Variants in RUFY3 observed in about 807,000 individuals in gnomAD.
The protein encoded by RUFY3 is protein RUFY3.
RUFY3 carries 34 observed loss-of-function variants against 84.0 expected under a neutral mutation model. The observed-to-expected ratio is 0.40, with a 90% CI of 0.31 to 0.54. The LOEUF is 0.54. RUFY3 is among the 20% of genes least tolerant of loss of function. The pLI, the probability that RUFY3 is intolerant of heterozygous loss-of-function variation, is 0.39. For synonymous variants in RUFY3, 242 were observed against 252.9 expected, an observed-to-expected ratio of 0.96 and a Z score of 0.41; for missense variants, 507 against 736.8, an observed-to-expected ratio of 0.69 and a Z score of 3.61.
chr4:70,769,403 T>C lies in RUFY3; in HGVS notation c.696+742T>C, dbSNP rs532440966. 1.4e-4 allele frequency among the ~76,000 whole-genome samples: 21 copies of C among 152,308 alleles called. No individual in the cohort carries two copies. In the South Asian group the frequency reaches 4.4e-3, roughly 32 times the overall value. On this transcript the variant is annotated intron_variant, in intron 5 of 17. Transcript: ENST00000381006. Reference sequence around the variant, plus strand: ...TATTAAGTATGTGATAGTGTAAGTGTAAAAAATAATGTACATACCTTAACT... The same window carrying C: ...TATTAAGTATGTGATAGTGTAAGTGCAAAAAATAATGTACATACCTTAACT...
chr4:70,793,769 T>G lies in RUFY3; in HGVS notation c.1338-16T>G. On this transcript the variant is annotated splice_polypyrimidine_tract_variant and intron_variant, in intron 12 of 17. Transcript: ENST00000381006. ...GCTTTTGTTTTTTATCACAAGTTCA[T>G]GTGGCTCACATCCAGATTGCGCCAG... 1 of 1,613,934 alleles carries G rather than the reference T, an allele frequency of 6.2e-7. No homozygotes were observed. Among genetic ancestry groups the G allele is most frequent in the Non-Finnish European group, 8.5e-7 (1 of 1,179,902 alleles).
chr4:70,734,527 TC>T lies in RUFY3; in HGVS notation c.178+11777del, dbSNP rs1244920250. 4.1e-6 allele frequency: 4 copies of T among 985,336 alleles called. No individual in the cohort carries two copies. The African/African-American group carries it at 7.0e-5, about 17-fold the overall frequency. 61.0% of individuals were successfully genotyped at this position (985,336 alleles called of 1,614,324 possible). A position where few individuals can be genotyped will look rare whatever the true frequency, so the allele number is the denominator to read the frequency against. On this transcript the variant is annotated intron_variant, in intron 1 of 17. Transcript: ENST00000381006. Reference sequence around the variant, plus strand: ...CTCAGAAGCCTATGGGACAAAGTTTTCTGGACACGGTTCATCCCTTCTTGTT... The same window carrying T: ...CTCAGAAGCCTATGGGACAAAGTTTTTGGACACGGTTCATCCCTTCTTGTT...
In RUFY3 at chr4:70,788,874, G is replaced by A; in HGVS notation, c.1140G>A (p.Leu380=). 2 of 1,614,168 alleles carry A rather than the reference G, an allele frequency of 1.2e-6. No homozygotes were observed. The highest frequency in any genetic ancestry group is 1.7e-6 in the Non-Finnish European group (2 of 1,180,040). The change falls in exon 11 of 18, where the codon CTG becomes CTA. Residue 380 remains leucine, a synonymous_variant. Transcript: ENST00000381006. Reference sequence around the variant, plus strand: ...AGATGGAATTGGCTATGAAGATGCTGGAGAAGGATGTCTGTGAGAAGCAGG... The same window carrying A: ...AGATGGAATTGGCTATGAAGATGCTAGAGAAGGATGTCTGTGAGAAGCAGG... ...RQEMELAMKM[L]EKDVCEKQDA... is the part of the protein sequence containing the mutation.
At chr4:70,729,275 G>A (rs750986976) in intron 1 of RUFY3, among the ~76,000 whole-genome samples, 27 of 149,406 alleles carry the variant, frequency 1.8e-4, no homozygotes, top group Non-Finnish European at 4.0e-4. Context: ...GTTTTTTTTT[G>A]AGACAGAGTC....
chr4:70,765,816 G>A (rs911892021), intron 4 of RUFY3, among the ~76,000 whole-genome samples: 1 of 146,598 alleles, frequency 6.8e-6, no homozygotes, highest in African/African-American at 2.6e-5. Context: ...AGGCTGTAGT[G>A]CAGTGGCGCT....
chr4:70,787,402 C>T (rs1730085440), intron 10 of RUFY3, among the ~76,000 whole-genome samples: 1 of 150,766 alleles, frequency 6.6e-6, no homozygotes, highest in South Asian at 2.1e-4. Flanking sequence ...GAATTACAGG[C>T]GCCTGCCACC....
chr4:70,759,756 C>A (rs1291957867), intron 1 of RUFY3, among the ~76,000 whole-genome samples: 1 of 152,130 alleles, frequency 6.6e-6, no homozygotes. Flanking sequence ...CTCTAACAAT[C>A]AAATTACTAT....
chr4:70,749,384 G>T (rs1722746438), intron 1 of RUFY3, among the ~76,000 whole-genome samples: 1 of 152,004 alleles, frequency 6.6e-6, no homozygotes, highest in Admixed American at 6.6e-5. Context: ...GGGAACTCTT[G>T]TGCAAGCTAA....
At position 70,722,429 on chromosome 4, in the gene RUFY3, A is replaced by T. The variant is rs1442510866; in HGVS notation, c.-145A>T. The T allele has an allele frequency of 1.5e-4, 191 of 1,308,996 alleles. No individual in the cohort carries two copies. Among genetic ancestry groups the T allele is most frequent in the Non-Finnish European group, 1.8e-4 (180 of 1,025,544 alleles). The allele number at this position is 1,308,996 out of a possible 1,614,324, so 81.1% of individuals were successfully genotyped here. A position where few individuals can be genotyped will look rare whatever the true frequency, so the allele number is the denominator to read the frequency against. On this transcript the variant is annotated 5_prime_UTR_variant, in exon 1 of 18. Transcript: ENST00000381006. ...GGTATTTTTCCTTTTTTTTTTTTTTAAACCTCCCCCACCCTTTTCCTGAAA... is the reference window on the plus strand; with the variant it reads ...GGTATTTTTCCTTTTTTTTTTTTTTTAACCTCCCCCACCCTTTTCCTGAAA...
At chr4:70,781,961 T>C (rs73824896) in intron 8 of RUFY3, among the ~76,000 whole-genome samples, 12,889 of 152,252 alleles carry the variant, frequency 0.085, 888 homozygotes, top group East Asian at 0.2. Context: ...AATGTTTCCC[T>C]GTAGCAGTTG....
intron 1 of RUFY3, 49 bp from the exon 2 acceptor site, chr4:70,762,470 T>C (rs1201621705): frequency 1.3e-6 from 2 of 1,503,502 alleles, no homozygotes; most frequent in Non-Finnish European, 1.8e-6. Context: ...AATTTTAAAA[T>C]GTGCTATTTC....
rs182105295 is a variant in RUFY3 at position 70,758,821 on chromosome 4, C to T, written c.179-3698C>T. The stretch of plus-strand genomic sequence containing the variant: ...GTGGGAGGCCGAGGCAGGTAGATCA[C>T]GAGGTCAGGAGATCAAGACCATCCT... On this transcript the variant is annotated intron_variant, in intron 1 of 17. Coordinates refer to ENST00000381006, the MANE Select transcript of RUFY3 (RefSeq NM_001037442.4). 2.1e-4 allele frequency among the ~76,000 whole-genome samples: 32 copies of T among 152,058 alleles called. No individual in the cohort carries two copies. In the East Asian group the frequency reaches 3.5e-3, roughly 16 times the overall value.
chr4:70,804,578 C>T (rs1161970337), intron 17 of RUFY3, among the ~76,000 whole-genome samples, 162 bp downstream of exon 17: 1 of 151,962 alleles, frequency 6.6e-6, no homozygotes, highest in African/African-American at 2.4e-5. Context: ...TACTGGGTAC[C>T]TGTTTTTTCA....
rs1261856848 is a variant in RUFY3, at chr4:70,722,749, A to G, written c.176A>G (p.Glu59Gly). 9 of 1,613,676 alleles carry G rather than the reference A, an allele frequency of 5.6e-6. No individual in the cohort carries two copies. Among genetic ancestry groups the G allele is most frequent in the Non-Finnish European group, 7.6e-6 (9 of 1,179,830 alleles). Residue 59 changes from glutamate (E) to glycine (G), a missense_variant and splice_region_variant, in exon 1 of 18, where the codon GAA becomes GGA. Glu to Gly is a moderately conservative substitution (Grantham distance 98, BLOSUM62 -2). Transcript: ENST00000381006. ...ACACCTGACCCAGAGCCTACCCATG[A>G]AGGTATGGTCAGATCCTGTCCGCTA... ...SLTPDPEPTHEDPNYLMANER... is the reference protein window; with the variant it reads ...SLTPDPEPTHGDPNYLMANER...
chr4:70,717,013 T>C (rs1741701664), upstream of RUFY3, among the ~76,000 whole-genome samples: 1 of 152,036 alleles, frequency 6.6e-6, no homozygotes, highest in African/African-American at 2.4e-5. Flanking sequence ...AATAAGATAA[T>C]GATTTACACG....
chr4:70,808,309 C>CTCTT lies in RUFY3; in HGVS notation c.*1652_*1655dup, dbSNP rs371270657. 0.017 allele frequency among the ~76,000 whole-genome samples: 2,627 copies of CTCTT among 152,180 alleles called. 94 individuals are homozygous for CTCTT. The highest frequency in any genetic ancestry group is 0.058 in the African/African-American group (2,396 of 41,532). On this transcript the variant is annotated 3_prime_UTR_variant, in exon 18 of 18. Coordinates refer to ENST00000381006, the MANE Select transcript of RUFY3 (RefSeq NM_001037442.4). ...TATCTATCTATCTTTGAGTAACAAACTCTTTGGGGGAAAAGAGGGAAGTGT... is the reference window on the plus strand; with the variant it reads ...TATCTATCTATCTTTGAGTAACAAACTCTTTCTTTGGGGGAAAAGAGGGAAGTGT...
In RUFY3 at chr4:70,731,144, T is replaced by C. The variant is rs1719204786; in HGVS notation, c.178+8393T>C. Among the ~76,000 whole-genome samples, 3 of 151,942 alleles carry C rather than the reference T, an allele frequency of 2.0e-5. 1 individual carries two copies. In the South Asian group the frequency reaches 6.2e-4, roughly 32 times the overall value. ...CCTCCGCCTCCTGGGTTCAAACAAT[T>C]CTCCTGCCTTAGGCTCCTGAGTAGC... On this transcript the variant is annotated intron_variant, in intron 1 of 17. Transcript: ENST00000381006.
intron 1 of RUFY3, among the ~76,000 whole-genome samples, chr4:70,749,685 T>C (rs1279593765): frequency 6.6e-6 from 1 of 150,610 alleles, no homozygotes; most frequent in Non-Finnish European, 1.5e-5. Flanking sequence ...AGACAGGATC[T>C]CACTCTGTTG....
intron 12 of RUFY3, chr4:70,791,445 A>T (rs1326286698): frequency 7.2e-7 from 1 of 1,388,698 alleles, no homozygotes; most frequent in Non-Finnish European, 9.3e-7. Flanking sequence ...TTAAAAAACC[A>T]GTTGGAAATA....
Sources: gnomAD v4.1 joint callset for allele counts (sites outside exome capture counted in the v4.1 genomes callset) on GRCh38, gnomAD v4.1.1 for gene constraint, MANE v1.5 for transcripts, NCBI Gene and HGNC (gene_info 2026-07-23, HGNC 2026-07-21) for gene names.